The following STK40 variants were observed in gnomAD, a reference collection of about 807,000 sequenced individuals.
The protein encoded by STK40 is serine/threonine-protein kinase 40.
In STK40, 13 loss-of-function variants were observed where a neutral mutation model predicts 47.9. That is an observed-to-expected ratio of 0.27 (90% confidence interval 0.18 to 0.43). The LOEUF (loss-of-function observed/expected upper bound fraction) is 0.43, where lower values mean the gene tolerates loss of function less well. Among genes scored for constraint, STK40 ranks in the 20% least tolerant of loss-of-function variants. The pLI is 1.00. For missense variants in STK40, 460 were observed against 595.1 expected (o/e 0.77, Z 2.36); for synonymous variants, 225 against 243.2 (o/e 0.93, Z 0.69).
intron 1 of STK40, among the ~76,000 whole-genome samples, chr1:36,373,069 C>T (rs1356906965): frequency 6.6e-6 from 1 of 152,188 alleles, no homozygotes; most frequent in East Asian, 1.9e-4. Context: ...CATGGAGGTC[C>T]GGGCTCAAAT....
chr1:36,373,931 G>T (rs913509772), intron 1 of STK40, among the ~76,000 whole-genome samples: 1 of 152,246 alleles, frequency 6.6e-6, no homozygotes, highest in African/African-American at 2.4e-5. Flanking sequence ...CAGCCTGTGG[G>T]AGAGTACCTG....
rs1646779503 is a variant in STK40 at position 36,353,821 on chromosome 1, T to C, written c.623+543A>G. On this transcript the variant is annotated intron_variant, in intron 6 of 10. Coordinates refer to ENST00000373132, the MANE Select transcript of STK40 (RefSeq NM_001282547.2). ...TTCCACCCCCTCACCCTGAGAGCACTTCACAGTAAACCTTCTGCACGTAAA... is the reference window on the plus strand; with the variant it reads ...TTCCACCCCCTCACCCTGAGAGCACCTCACAGTAAACCTTCTGCACGTAAA... Among the ~76,000 whole-genome samples, 4 of 152,192 alleles carry C rather than the reference T, an allele frequency of 2.6e-5. No individual in the cohort carries two copies. In the South Asian group the frequency reaches 8.3e-4, roughly 32 times the overall value.
Position 36,348,694 on chromosome 1 carries a change from A to G in STK40, c.739+6T>C. ...TAGAGGCCCAATGTCTGGCACACAC[A>G]CGTACCGCTGAGCACGTCGGGACTG... On this transcript the variant is annotated splice_donor_region_variant and intron_variant, in intron 7 of 10. Transcript: ENST00000373132. The G allele has an allele frequency of 6.3e-7, 1 of 1,598,442 alleles. No individual in the cohort carries two copies. Among genetic ancestry groups the G allele is most frequent in the South Asian group, 1.1e-5 (1 of 88,616 alleles).
At chr1:36,355,481 G>T in intron 4 of STK40, 48 bp from the exon 5 acceptor site, 3 of 1,593,466 alleles carry the variant, frequency 1.9e-6, no homozygotes, top group Non-Finnish European at 2.6e-6. Context: ...ACTTGGCAGG[G>T]CCAAGGCCAG....
At chr1:36,371,685 C>CAA (rs57138983) in intron 1 of STK40, among the ~76,000 whole-genome samples, 693 of 27,992 alleles carry the variant, frequency 0.025, 78 homozygotes, top group African/African-American at 0.063. Context: ...ACCCTGTCTC[C>CAA]AAAAAAAAAA....
chr1:36,348,277 C>T (rs1185549291), intron 7 of STK40, among the ~76,000 whole-genome samples: 1 of 152,252 alleles, frequency 6.6e-6, no homozygotes, highest in Non-Finnish European at 1.5e-5. Context: ...TCTCTGGCTT[C>T]CCCTTGAACC....
intron 6 of STK40, among the ~76,000 whole-genome samples, chr1:36,349,304 C>T (rs1289925966): frequency 2.0e-5 from 3 of 152,230 alleles, no homozygotes; most frequent in Non-Finnish European, 2.9e-5. Flanking sequence ...CTCCGAACCA[C>T]GGAATATGTC....
At chr1:36,364,267 A>G (rs1311730403) in intron 1 of STK40, among the ~76,000 whole-genome samples, 1 of 152,196 alleles carries the variant, frequency 6.6e-6, no homozygotes, top group Non-Finnish European at 1.5e-5. Context: ...TTTAAAAAAA[A>G]TCCCCATTAG....
At chr1:36,380,587 T>G (rs186472780) in intron 1 of STK40, among the ~76,000 whole-genome samples, 7 of 152,300 alleles carry the variant, frequency 4.6e-5, no homozygotes, top group Non-Finnish European at 7.4e-5. Context: ...TGAGAAAGCC[T>G]CTCTCCCCTG....
chr1:36,342,009 A>G (rs1458406883), intron 10 of STK40, 36 bp from the exon 11 acceptor site: 1 of 1,576,302 alleles, frequency 6.3e-7, no homozygotes, highest in Admixed American at 1.8e-5. Flanking sequence ...AGACAAAGAT[A>G]AACCCAGATG....
intron 1 of STK40, among the ~76,000 whole-genome samples, chr1:36,375,890 T>G (rs1646988165): frequency 6.6e-6 from 1 of 151,958 alleles, no homozygotes; most frequent in Admixed American, 6.6e-5. Flanking sequence ...GGCGTGGTGG[T>G]GCTTGCCTAT....
chr1:36,343,878 C>A lies in STK40; in HGVS notation c.986G>T (p.Ser329Ile). Residue 329 changes from serine (S) to isoleucine (I), a missense_variant, in exon 9 of 11, where the codon AGT (serine) becomes ATT (isoleucine). Coordinates refer to ENST00000373132, the MANE Select transcript of STK40 (RefSeq NM_001282547.2). ...LAAADVLEAL[S>I]AIIASWQSLS... ...CACTTACCATGATGCAATGATGGCA[C>A]TGAGGGCCTCCAGGACGTCGGCGGC... is the stretch of plus-strand genomic sequence containing the variant. 2 of 1,601,430 alleles carry A rather than the reference C, an allele frequency of 1.2e-6. No individual in the cohort carries two copies. The highest frequency in any genetic ancestry group is 1.7e-6 in the Non-Finnish European group (2 of 1,171,134).
rs191619816 is a variant in STK40 at position 36,355,747 on chromosome 1, C to T, written c.343-314G>A. Among the ~76,000 whole-genome samples, 15 of 152,338 alleles carry T rather than the reference C, an allele frequency of 9.8e-5. No individual in the cohort carries two copies. In the East Asian group the frequency reaches 2.9e-3, roughly 29 times the overall value. Reference sequence around the variant, plus strand: ...TCTGGGCATTTAGAGCCCAAGGGCCCTCTTAGCCCAGTGCTCAAGCAGCAA... The same window carrying T: ...TCTGGGCATTTAGAGCCCAAGGGCCTTCTTAGCCCAGTGCTCAAGCAGCAA... On this transcript the variant is annotated intron_variant, in intron 4 of 10. Coordinates refer to ENST00000373132, the MANE Select transcript of STK40 (RefSeq NM_001282547.2).
At chr1:36,346,187 G>C (rs1171005309) in intron 7 of STK40, among the ~76,000 whole-genome samples, 6 of 150,840 alleles carry the variant, frequency 4.0e-5, no homozygotes, top group Admixed American at 4.0e-4. Context: ...GTAGAAACAG[G>C]GTTTCACTGA....
At chr1:36,348,633 T>C (rs1433123531) in intron 7 of STK40, 67 bp downstream of exon 7, 21 of 1,480,820 alleles carry the variant, frequency 1.4e-5, no homozygotes, top group Non-Finnish European at 1.8e-5. Context: ...ACAAATTTGC[T>C]GAGTGGACTG....
At chr1:36,348,938 T>C (rs1199130437) in intron 6 of STK40, 123 bp from the exon 7 acceptor site, 2 of 833,914 alleles carry the variant, frequency 2.4e-6, no homozygotes, top group Non-Finnish European at 3.9e-6. Context: ...AGGCTTCTCG[T>C]CAGAGGGTGA....
At chr1:36,372,373 G>A (rs1646955517) in intron 1 of STK40, among the ~76,000 whole-genome samples, 1 of 137,544 alleles carries the variant, frequency 7.3e-6, no homozygotes, top group Admixed American at 7.9e-5. Flanking sequence ...GAGGCTGCGT[G>A]AGCCATGACA....
intron 1 of STK40, among the ~76,000 whole-genome samples, chr1:36,380,152 G>A (rs962184939): frequency 6.6e-6 from 1 of 152,208 alleles, no homozygotes; most frequent in African/African-American, 2.4e-5. Context: ...GGGAGGATAT[G>A]CGGGGGCTGC....
At chr1:36,383,779 A>G (rs181703527) in intron 1 of STK40, among the ~76,000 whole-genome samples, 5 of 152,190 alleles carry the variant, frequency 3.3e-5, no homozygotes, top group Admixed American at 2.0e-4. Flanking sequence ...ATACCACTAG[A>G]TTGAACAATC....
Sources: allele counts gnomAD v4.1 joint callset (sites outside exome capture counted in the v4.1 genomes callset), GRCh38; gene constraint gnomAD v4.1.1; transcripts MANE v1.5; gene names NCBI Gene and HGNC (gene_info 2026-07-23, HGNC 2026-07-21).